TSPAN1: variants seen among roughly 807,000 people sequenced by gnomAD.
TSPAN1 encodes tetraspanin-1.
TSPAN1 carries 23 observed loss-of-function variants against 26.9 expected under a neutral mutation model. The observed-to-expected ratio is 0.85, with a 90% CI of 0.62 to 1.21. The LOEUF is 1.21. Ranked by LOEUF, TSPAN1 falls within the 50% of genes most tolerant of loss-of-function variation. The pLI is 0.00. For synonymous variants in TSPAN1, 115 were observed against 114.8 expected, an observed-to-expected ratio of 1.00 and a Z score of -0.01; for missense variants, 283 against 298.4, an observed-to-expected ratio of 0.95 and a Z score of 0.38.
At position 46,184,825 on chromosome 1, in the gene TSPAN1, A is replaced by G. The variant is rs1176978182; in HGVS notation, c.380A>G (p.Lys127Arg). The change falls in exon 6 of 9, where the codon AAG becomes AGG. Residue 127 changes from lysine (K) to arginine (R), a missense_variant. Physicochemically the swap from Lys to Arg is conservative, Grantham distance 26 (BLOSUM62 2). Coordinates refer to ENST00000372003, the MANE Select transcript of TSPAN1 (RefSeq NM_005727.4). ...FLTLLVVPAI[K>R]KDYGSQEDFT... ...ACGTTGCTGGTAGTGCCTGCCATCAAGAAAGATTATGGTTCCCAGGAAGAC... is the reference window on the plus strand; with the variant it reads ...ACGTTGCTGGTAGTGCCTGCCATCAGGAAAGATTATGGTTCCCAGGAAGAC... 15 of 1,614,208 alleles carry G rather than the reference A, an allele frequency of 9.3e-6. No homozygotes were observed. The highest frequency in any genetic ancestry group is 1.7e-5 in the Admixed American group (1 of 60,020).
the TSPAN1 span, chr1:46,195,481 T>C: frequency 8.6e-4 from 342 of 397,930 alleles, 4 homozygotes; most frequent in Middle Eastern, 6.7e-3. Context: ...CTTTATTTTC[T>C]TCTTTATACA....
downstream of TSPAN1, among the ~76,000 whole-genome samples, chr1:46,186,502 T>C (rs12132921): frequency 1.4e-5 from 2 of 147,548 alleles, no homozygotes; most frequent in Non-Finnish European, 3.0e-5. Flanking sequence ...TTTTTTTTTT[T>C]TTTTTGGGAC....
At chr1:46,193,335 G>T in the TSPAN1 span, 1 of 1,613,682 alleles carries the variant, frequency 6.2e-7, no homozygotes, top group Non-Finnish European at 8.5e-7. Context: ...TGATGCTGAT[G>T]GGAGTATGCT....
intron 8 of TSPAN1, 48 bp downstream of exon 8, chr1:46,185,356 G>T (rs771038765): frequency 6.2e-7 from 1 of 1,611,942 alleles, no homozygotes; most frequent in Non-Finnish European, 8.5e-7. Flanking sequence ...TGAGACCAGG[G>T]CTGCTCAACC....
chr1:46,190,000 G>A, downstream of TSPAN1: 1 of 1,613,680 alleles, frequency 6.2e-7, no homozygotes, highest in Non-Finnish European at 8.5e-7. Flanking sequence ...CTGCAGTAGA[G>A]GGTGGGAGAA....
chr1:46,195,629 A>G, the TSPAN1 span: 2 of 689,214 alleles, frequency 2.9e-6, no homozygotes, highest in African/African-American at 1.8e-5. Flanking sequence ...AGTACCTGGC[A>G]TACAGCTGTT....
intron 1 of TSPAN1, chr1:46,176,441 G>A (rs1221837671): frequency 9.1e-6 from 14 of 1,535,636 alleles, no homozygotes; most frequent in Non-Finnish European, 1.1e-5. Context: ...CCCTGGGGCC[G>A]AGGGCCACGG....
chr1:46,188,925 G>A, downstream of TSPAN1: 2 of 1,612,808 alleles, frequency 1.2e-6, no homozygotes, highest in Non-Finnish European at 1.7e-6. Context: ...TCCAGGTTCG[G>A]CCTGTTTTCA....
intron 3 of TSPAN1, among the ~76,000 whole-genome samples, chr1:46,181,993 C>T (rs138534511): frequency 2.0e-5 from 3 of 152,040 alleles, no homozygotes; most frequent in South Asian, 4.2e-4. Context: ...TAGGGAGAAA[C>T]GGACAAAGTG....
At chr1:46,189,250 G>C (rs761660715), downstream of TSPAN1, 3 of 1,609,376 alleles carry the variant, frequency 1.9e-6, no homozygotes, top group Admixed American at 1.7e-5. Context: ...ACCCAGCCCC[G>C]CAGGGTCCTG....
chr1:46,185,356 G>A (rs771038765), intron 8 of TSPAN1, 48 bp downstream of exon 8: 4 of 1,611,942 alleles, frequency 2.5e-6, no homozygotes, highest in Non-Finnish European at 3.4e-6. Context: ...TGAGACCAGG[G>A]CTGCTCAACC....
At chr1:46,183,814 G>C (rs1475785374) in intron 3 of TSPAN1, 1 of 261,440 alleles carries the variant, frequency 3.8e-6, no homozygotes. Flanking sequence ...TCAGAGGACA[G>C]AGGTGTTCTA....
chr1:46,186,407 G>T (rs1557666405), downstream of TSPAN1, among the ~76,000 whole-genome samples: 2 of 151,846 alleles, frequency 1.3e-5, no homozygotes, highest in African/African-American at 4.8e-5. Context: ...CTGCTTCTGG[G>T]ATCTCAGCAA....
chr1:46,195,110 AAAT>A, the TSPAN1 span: 3 of 761,758 alleles, frequency 3.9e-6, no homozygotes, highest in Non-Finnish European at 4.5e-6. Flanking sequence ...TTCACAGATA[AAAT>A]AATAACTGAA....
At chr1:46,195,748 C>A in the TSPAN1 span, 2 of 1,435,914 alleles carry the variant, frequency 1.4e-6, no homozygotes, top group Non-Finnish European at 1.9e-6. Flanking sequence ...GGCAGAGAAG[C>A]CGGGGCTAGA....
chr1:46,182,304 C>CCAAAAAAAAAAAAAAAAAAAAAA lies in TSPAN1; in HGVS notation c.57+1140_57+1141insCAAAAAAAAAAAAAAAAAAAAAA, dbSNP rs1657329897. ...GGAAACCCAATTTATTAGGGATAAG[C>CCAAAAAAAAAAAAAAAAAAAAAA]AAAAAAAAAAAAAGCCACTGTGAAG... is the stretch of plus-strand genomic sequence containing the variant. On this transcript the variant is annotated intron_variant, in intron 3 of 8. Transcript: ENST00000372003. Among the ~76,000 whole-genome samples the CCAAAAAAAAAAAAAAAAAAAAAA allele has an allele frequency of 2.0e-4, 6 of 30,162 alleles. 1 individual carries two copies. Among genetic ancestry groups the CCAAAAAAAAAAAAAAAAAAAAAA allele is most frequent in the Non-Finnish European group, 3.1e-4 (5 of 16,152 alleles). 19.8% of individuals were successfully genotyped at this position (30,162 alleles called of 152,430 possible).
At chr1:46,175,857 T>A in intron 1 of TSPAN1, 1 of 437,172 alleles carries the variant, frequency 2.3e-6, no homozygotes, top group Middle Eastern at 5.8e-4. Flanking sequence ...GGTAGGGAAA[T>A]CTTCACTGGC....
intron 1 of TSPAN1, among the ~76,000 whole-genome samples, chr1:46,180,096 G>A (rs1462767951): frequency 6.6e-6 from 1 of 152,232 alleles, no homozygotes; most frequent in African/African-American, 2.4e-5. Context: ...GTGTGCGTGT[G>A]TGCGCACGGA....
chr1:46,194,806 CTT>C, the TSPAN1 span: 1 of 1,613,784 alleles, frequency 6.2e-7, no homozygotes, highest in Non-Finnish European at 8.5e-7. Flanking sequence ...CTCCCAGGCT[CTT>C]GATACTACAG....
Sources: allele counts gnomAD v4.1 joint callset (sites outside exome capture counted in the v4.1 genomes callset), GRCh38; gene constraint gnomAD v4.1.1; transcripts MANE v1.5; gene names NCBI Gene and HGNC (gene_info 2026-07-23, HGNC 2026-07-21).